Variants in NEGR1 observed in about 807,000 individuals in gnomAD.
NEGR1 encodes neuronal growth regulator 1, also known as IgLON family member 4.
In NEGR1, 10 loss-of-function variants were observed where a neutral mutation model predicts 40.9. That is an observed-to-expected ratio of 0.24 (90% CI 0.15 to 0.42). NEGR1 has a LOEUF of 0.42. NEGR1 is among the 10% of genes least tolerant of loss of function. The probability of loss-of-function intolerance (pLI) is 1.00; values close to 1 mark genes in which losing one functional copy is unlikely to be tolerated. For synonymous variants in NEGR1, 185 were observed against 166.8 expected, an observed-to-expected ratio of 1.11 and a Z score of -0.84; for missense variants, 352 against 438.9, an observed-to-expected ratio of 0.80 and a Z score of 1.77.
At chr1:71,554,623 G>T (rs1046113634) in intron 6 of NEGR1, among the ~76,000 whole-genome samples, 1 of 151,452 alleles carries the variant, frequency 6.6e-6, no homozygotes, top group East Asian at 2.0e-4. Flanking sequence ...AGAATATTAA[G>T]TTTCTATTCC....
chr1:71,914,972 T>G (rs1661529636), intron 2 of NEGR1, among the ~76,000 whole-genome samples: 1 of 152,178 alleles, frequency 6.6e-6, no homozygotes, highest in Admixed American at 6.5e-5. Context: ...TGGCCATCAT[T>G]TTGTTTATAA....
chr1:71,461,251 C>T (rs1268060649), intron 6 of NEGR1, among the ~76,000 whole-genome samples: 1 of 152,106 alleles, frequency 6.6e-6, no homozygotes, highest in African/African-American at 2.4e-5. Flanking sequence ...AATTTTTTGC[C>T]AATCTATGAT....
intron 1 of NEGR1, among the ~76,000 whole-genome samples, chr1:72,098,341 T>G (rs1231318656): frequency 6.6e-6 from 1 of 152,160 alleles, no homozygotes; most frequent in Non-Finnish European, 1.5e-5. Context: ...GAAACAATAC[T>G]GGAAACAGTC....
At chr1:72,164,016 ATT>A (rs56300595) in intron 1 of NEGR1, among the ~76,000 whole-genome samples, 9 of 148,374 alleles carry the variant, frequency 6.1e-5, no homozygotes, top group East Asian at 2.0e-4. Context: ...TCAGACAAGT[ATT>A]TTTTTTTTTT....
At chr1:71,652,834 A>C (rs574378680) in intron 4 of NEGR1, among the ~76,000 whole-genome samples, 30 of 152,124 alleles carry the variant, frequency 2.0e-4, no homozygotes, top group Middle Eastern at 3.4e-3. Context: ...ACTGCATTCC[A>C]GGCTGGGTGA....
intron 4 of NEGR1, among the ~76,000 whole-genome samples, chr1:71,652,914 T>A (rs1202216496): frequency 1.3e-5 from 2 of 152,062 alleles, no homozygotes; most frequent in South Asian, 2.1e-4. Flanking sequence ...CTTGGGTTCT[T>A]TTTTATGGTC....
intron 1 of NEGR1, among the ~76,000 whole-genome samples, chr1:72,132,837 A>G (rs1166590543): frequency 6.6e-6 from 1 of 152,166 alleles, no homozygotes; most frequent in African/African-American, 2.4e-5. Flanking sequence ...TTAAAGATAT[A>G]TTAGTAAAGT....
At chr1:72,118,085 A>G (rs2100284102) in intron 1 of NEGR1, among the ~76,000 whole-genome samples, 1 of 151,914 alleles carries the variant, frequency 6.6e-6, no homozygotes, top group Non-Finnish European at 1.5e-5. Flanking sequence ...TTTTGGGGAC[A>G]AGAGATTATT....
chr1:71,827,504 C>T (rs1225713314), intron 2 of NEGR1, among the ~76,000 whole-genome samples: 1 of 151,764 alleles, frequency 6.6e-6, no homozygotes, highest in Admixed American at 6.6e-5. Context: ...GTTTGTGACT[C>T]ACTGTTTTCA....
At position 71,925,271 on chromosome 1, in the gene NEGR1, C is replaced by A. The variant is rs374576197; in HGVS notation, c.409+9808G>T. Among the ~76,000 whole-genome samples the A allele has an allele frequency of 6.6e-5, 10 of 152,146 alleles. No individual in the cohort carries two copies. The East Asian group carries it at 1.2e-3, about 18-fold the overall frequency. On this transcript the variant is annotated intron_variant, in intron 2 of 6. Transcript: ENST00000357731. Reference sequence around the variant, plus strand: ...ATCAGATTTTCAAATGGGTTCATGACCACAAACTGTTTAAGGGCCACTTGT... The same window carrying A: ...ATCAGATTTTCAAATGGGTTCATGAACACAAACTGTTTAAGGGCCACTTGT...
intron 2 of NEGR1, among the ~76,000 whole-genome samples, chr1:71,835,285 A>G (rs522451): frequency 0.046 from 6,975 of 152,184 alleles, 342 homozygotes; most frequent in African/African-American, 0.12. Flanking sequence ...AGGGCAGCCA[A>G]GATTTGCAGA....
intron 6 of NEGR1, among the ~76,000 whole-genome samples, chr1:71,522,522 C>CA (rs57807584): frequency 0.04 from 6,087 of 151,226 alleles, 400 homozygotes; most frequent in African/African-American, 0.14. Context: ...AGAAAAGGGA[C>CA]AAAAAAAGTG....
chr1:71,572,695 G>A (rs1459305453), intron 6 of NEGR1, among the ~76,000 whole-genome samples: 8 of 152,204 alleles, frequency 5.3e-5, no homozygotes, highest in Non-Finnish European at 7.4e-5. Context: ...TTGCAAATGC[G>A]TAAGTGTACT....
intron 5 of NEGR1, among the ~76,000 whole-genome samples, chr1:71,596,883 G>A (rs996908987): frequency 2.0e-5 from 3 of 152,194 alleles, no homozygotes; most frequent in African/African-American, 2.4e-5. Context: ...GAATAAGAGT[G>A]AGGGAGGCAT....
At chr1:71,704,594 A>G (rs547193845) in intron 3 of NEGR1, among the ~76,000 whole-genome samples, 41 of 151,940 alleles carry the variant, frequency 2.7e-4, no homozygotes, top group African/African-American at 9.6e-4. Flanking sequence ...TAATTTAGAA[A>G]AAATAAATAA....
chr1:71,618,931 T>A (rs2101550887), intron 4 of NEGR1, among the ~76,000 whole-genome samples: 1 of 152,284 alleles, frequency 6.6e-6, no homozygotes, highest in South Asian at 2.1e-4. Flanking sequence ...ATAGTGGATC[T>A]CTAAGCTGTA....
At chr1:71,412,154 C>T (rs1448475426) in intron 6 of NEGR1, among the ~76,000 whole-genome samples, 1 of 152,228 alleles carries the variant, frequency 6.6e-6, no homozygotes, top group East Asian at 1.9e-4. Context: ...GGACCTCTGC[C>T]ATCTGGTTCT....
At chr1:71,895,302 G>T (rs182124631) in intron 2 of NEGR1, among the ~76,000 whole-genome samples, 6 of 152,142 alleles carry the variant, frequency 3.9e-5, no homozygotes, top group Admixed American at 2.6e-4. Context: ...TAAGTAGGTT[G>T]TTTTTCATTT....
chr1:71,456,905 G>C (rs145682548), intron 6 of NEGR1, among the ~76,000 whole-genome samples: 12 of 152,296 alleles, frequency 7.9e-5, no homozygotes, highest in African/African-American at 2.6e-4. Flanking sequence ...GGTGAAATGG[G>C]ATGAAGAACT....
Sources: allele counts gnomAD v4.1 joint callset (sites outside exome capture counted in the v4.1 genomes callset), GRCh38; gene constraint gnomAD v4.1.1; transcripts MANE v1.5; gene names NCBI Gene and HGNC (gene_info 2026-07-23, HGNC 2026-07-21).